GRIK4: variants seen among roughly 807,000 people sequenced by gnomAD.
GRIK4 encodes glutamate receptor ionotropic, kainate 4.
A neutral mutation model predicts 104.9 loss-of-function variants in GRIK4; 40 were observed. The observed-to-expected ratio is 0.38, with a 90% confidence interval of 0.30 to 0.50. The LOEUF is 0.50. Among genes scored for constraint, GRIK4 ranks in the 20% least tolerant of loss-of-function variants. The probability of loss-of-function intolerance (pLI) is 0.93; values close to 1 mark genes in which losing one functional copy is unlikely to be tolerated. For missense variants in GRIK4, 1,047 were observed against 1,308.1 expected (o/e 0.80, Z 3.08); for synonymous variants, 485 against 524.9 (o/e 0.92, Z 1.04).
At chr11:120,938,847 A>G (rs971236045) in intron 13 of GRIK4, among the ~76,000 whole-genome samples, 2 of 152,220 alleles carry the variant, frequency 1.3e-5, no homozygotes. Context: ...GCTTTTTACA[A>G]ATATAGATTC....
At chr11:120,662,420 C>T (rs1209478922) in intron 3 of GRIK4, among the ~76,000 whole-genome samples, 1 of 152,190 alleles carries the variant, frequency 6.6e-6, no homozygotes, top group Admixed American at 6.5e-5. Flanking sequence ...AACAGCAGTG[C>T]CAGGACCCGT....
chr11:120,576,192 G>T (rs1167271394), intron 1 of GRIK4, among the ~76,000 whole-genome samples: 9 of 152,174 alleles, frequency 5.9e-5, no homozygotes, highest in Non-Finnish European at 1.3e-4. Context: ...GCTGATTGTT[G>T]TTTAATTAGT....
At chr11:120,738,807 G>A (rs1951273241) in intron 3 of GRIK4, among the ~76,000 whole-genome samples, 1 of 152,194 alleles carries the variant, frequency 6.6e-6, no homozygotes, top group African/African-American at 2.4e-5. Flanking sequence ...CCTGTGTCTT[G>A]TTCGTGCCTT....
rs1591308872 is a variant in GRIK4, at chr11:120,940,198, C to A, written c.1477-149C>A. On this transcript the variant is annotated intron_variant, in intron 13 of 20. Coordinates refer to ENST00000527524, the MANE Select transcript of GRIK4 (RefSeq NM_014619.5). This position sits in a 1 kb window ranked among gnomAD's most constrained non-coding sequence, Gnocchi z 4.3. ...TACTTTTATGAGTGATCATTCAGAT[C>A]TGTATGCAGTGTTGACTTAGAGCCA... 1.7e-6 allele frequency: 1 copy of A among 604,318 alleles called. No individual in the cohort carries two copies. Among genetic ancestry groups the A allele is most frequent in the South Asian group, 2.0e-5 (1 of 48,790 alleles). 37.4% of individuals were successfully genotyped at this position (604,318 alleles called of 1,614,324 possible). A position where few individuals can be genotyped will look rare whatever the true frequency, so the allele number is the denominator to read the frequency against.
rs1200490550 is a variant in GRIK4 at position 120,511,801 on chromosome 11, A to T, written c.-245A>T. 2 of 360,628 alleles carry T rather than the reference A, an allele frequency of 5.5e-6. No individual in the cohort carries two copies. The highest frequency in any genetic ancestry group is 3.7e-5 in the South Asian group (2 of 54,028). The allele number at this position is 360,628 out of a possible 1,614,324, so 22.3% of individuals were successfully genotyped here. On this transcript the variant is annotated 5_prime_UTR_variant, in exon 1 of 21. Coordinates refer to ENST00000527524, the MANE Select transcript of GRIK4 (RefSeq NM_014619.5). ...GCTGGAGCCGCCACGGCTGCTGCGG[A>T]AGAGGAAAAACGGCCAACAGCAGCC...
chr11:120,802,476 A>G (rs1952638176), intron 3 of GRIK4, among the ~76,000 whole-genome samples: 1 of 152,156 alleles, frequency 6.6e-6, no homozygotes, highest in Non-Finnish European at 1.5e-5. Flanking sequence ...CGAGGCGTGC[A>G]TCCACATTAG....
chr11:120,837,611 AATAGAGC>A (rs1319782249), intron 8 of GRIK4, among the ~76,000 whole-genome samples: 1 of 152,152 alleles, frequency 6.6e-6, no homozygotes, highest in Admixed American at 6.5e-5. Context: ...CAGCTCCAGA[AATAGAGC>A]ATTACCAGCA....
intron 13 of GRIK4, among the ~76,000 whole-genome samples, chr11:120,914,580 G>T (rs1354263548): frequency 1.3e-5 from 2 of 152,184 alleles, no homozygotes; most frequent in African/African-American, 2.4e-5. Context: ...TTCTAGGTGA[G>T]GTGGACGGTG....
chr11:120,967,873 C>G lies in GRIK4; in HGVS notation c.2395+550C>G, dbSNP rs1377206891. 6.6e-6 allele frequency among the ~76,000 whole-genome samples: 1 copy of G among 152,110 alleles called. No individual in the cohort carries two copies. Among genetic ancestry groups the G allele is most frequent in the African/African-American group, 2.4e-5 (1 of 41,422 alleles). ...CCATGTGGCTCTTCCACCCCAGGGC[C>G]TGTGCACCTGTTCCCTCCTCCTGGC... On this transcript the variant is annotated intron_variant, in intron 19 of 20. Transcript: ENST00000527524. The surrounding 1 kb of genome is among the most constrained non-coding windows in gnomAD (Gnocchi z 4.2).
intron 1 of GRIK4, among the ~76,000 whole-genome samples, chr11:120,563,112 G>C (rs1948261100): frequency 6.6e-6 from 1 of 152,230 alleles, no homozygotes; most frequent in Non-Finnish European, 1.5e-5. Context: ...TAAAACCCGG[G>C]AATCAGCTCC....
At chr11:120,774,862 G>A (rs1231728021) in intron 3 of GRIK4, among the ~76,000 whole-genome samples, 1 of 152,196 alleles carries the variant, frequency 6.6e-6, no homozygotes, top group Non-Finnish European at 1.5e-5. Flanking sequence ...GTGTGAGGGA[G>A]TGTGTGAATA....
chr11:120,704,648 G>A (rs781678049), intron 3 of GRIK4, among the ~76,000 whole-genome samples: 15 of 152,186 alleles, frequency 9.9e-5, no homozygotes, highest in Non-Finnish European at 1.9e-4. Flanking sequence ...CAGGGCTGGG[G>A]CATGGTATGT....
chr11:120,808,443 G>A (rs1952760665), intron 4 of GRIK4, among the ~76,000 whole-genome samples: 1 of 152,204 alleles, frequency 6.6e-6, no homozygotes, highest in Non-Finnish European at 1.5e-5. Flanking sequence ...CACTTGGAAA[G>A]CCCCAGTAAA....
At chr11:120,532,814 G>C (rs1340668482) in intron 1 of GRIK4, among the ~76,000 whole-genome samples, 1 of 151,970 alleles carries the variant, frequency 6.6e-6, no homozygotes, top group Non-Finnish European at 1.5e-5. Context: ...CCTTTCTTTT[G>C]GGGTTTTAGA....
intron 3 of GRIK4, among the ~76,000 whole-genome samples, chr11:120,706,722 T>C (rs922288194): frequency 2.0e-5 from 3 of 152,184 alleles, no homozygotes; most frequent in Non-Finnish European, 4.4e-5. Flanking sequence ...TATGTGAGGT[T>C]GAGAGAAGGG....
intron 18 of GRIK4, among the ~76,000 whole-genome samples, chr11:120,963,646 G>A (rs1296071961): frequency 6.6e-6 from 1 of 152,198 alleles, no homozygotes; most frequent in Non-Finnish European, 1.5e-5. Flanking sequence ...TGTAGTTACA[G>A]TACACATCCC....
At chr11:120,971,712 G>A (rs944468218) in intron 19 of GRIK4, among the ~76,000 whole-genome samples, 21 of 152,322 alleles carry the variant, frequency 1.4e-4, no homozygotes, top group African/African-American at 4.8e-4. Context: ...TGGAAGCCCG[G>A]AAGAGGAAGT....
At chr11:120,720,266 A>T (rs2135373749) in intron 3 of GRIK4, among the ~76,000 whole-genome samples, 1 of 152,316 alleles carries the variant, frequency 6.6e-6, no homozygotes, top group Admixed American at 6.5e-5. Flanking sequence ...AGGTCTGCTG[A>T]GGTGGGATTG....
chr11:120,932,597 C>T (rs922155525), intron 13 of GRIK4, among the ~76,000 whole-genome samples: 2 of 152,184 alleles, frequency 1.3e-5, no homozygotes, highest in Non-Finnish European at 2.9e-5. Flanking sequence ...TTTCAATATA[C>T]AGGGGATCTC....
Sources: allele counts gnomAD v4.1 joint callset (sites outside exome capture counted in the v4.1 genomes callset), GRCh38; gene constraint gnomAD v4.1.1; non-coding constraint Gnocchi (gnomAD v3.1); transcripts MANE v1.5; gene names NCBI Gene and HGNC (gene_info 2026-07-23, HGNC 2026-07-21).